The following ANXA11 variants were observed in gnomAD, a reference collection of about 807,000 sequenced individuals.
ANXA11 encodes the protein 56 kDa autoantigen.
ANXA11 carries 57 observed loss-of-function variants against 64.7 expected under a neutral mutation model. That is an observed-to-expected ratio of 0.88 (90% confidence interval 0.71 to 1.10). The LOEUF is 1.10. ANXA11 is among the 50% of genes least tolerant of loss of function. ANXA11 has a pLI of 0.00. For missense variants in ANXA11, 675 were observed against 670.7 expected (o/e 1.01, Z -0.07); for synonymous variants, 260 against 265.2 (o/e 0.98, Z 0.19).
At chr10:80,166,297 G>A in intron 7 of ANXA11, 100 bp from the exon 8 acceptor site, 1 of 688,570 alleles carries the variant, frequency 1.5e-6, no homozygotes, top group Non-Finnish European at 2.5e-6. Flanking sequence ...CAGATTTGAG[G>A]AACAGCAGCA....
At chr10:80,173,737 T>C (rs1485534933) in intron 2 of ANXA11, among the ~76,000 whole-genome samples, 1 of 152,240 alleles carries the variant, frequency 6.6e-6, no homozygotes, top group Admixed American at 6.5e-5. Flanking sequence ...AGACACCCAA[T>C]GGCAGGCGGA....
At chr10:80,181,634 AG>A (rs1262742625) in intron 1 of ANXA11, among the ~76,000 whole-genome samples, 1 of 152,230 alleles carries the variant, frequency 6.6e-6, no homozygotes, top group Non-Finnish European at 1.5e-5. Context: ...AATAGGCAAA[AG>A]ACCTGAACAG....
At chr10:80,164,183 C>T in intron 8 of ANXA11, 40 bp from the exon 9 acceptor site, 1 of 1,541,192 alleles carries the variant, frequency 6.5e-7, no homozygotes, top group South Asian at 1.1e-5. Flanking sequence ...GTGCTTGTTC[C>T]AGCAGCCTCA....
intron 2 of ANXA11, chr10:80,173,100 G>A: frequency 2.0e-6 from 1 of 508,616 alleles, no homozygotes; most frequent in Non-Finnish European, 3.5e-6. Context: ...CACACCCCCG[G>A]CCCCACCCAC....
chr10:80,184,021 C>T (rs1207440330), intron 1 of ANXA11, among the ~76,000 whole-genome samples: 33 of 152,114 alleles, frequency 2.2e-4, no homozygotes, highest in Admixed American at 2.2e-3. Flanking sequence ...TAATGGTCGA[C>T]TTTTTTCACA....
intron 12 of ANXA11, among the ~76,000 whole-genome samples, chr10:80,161,512 A>G (rs1845501494): frequency 6.6e-6 from 1 of 151,926 alleles, no homozygotes; most frequent in Non-Finnish European, 1.5e-5. Flanking sequence ...CCTGCCCCCC[A>G]CCGTGGCCCC....
rs146239848 is a variant in ANXA11 at position 80,165,018 on chromosome 10, C to T, written c.859-875G>A. 2.0e-5 allele frequency among the ~76,000 whole-genome samples: 3 copies of T among 152,340 alleles called. No individual in the cohort carries two copies. In the East Asian group the frequency reaches 5.8e-4, roughly 29 times the overall value. ...TCAAGGACACACAGCTGGTGAGTGA[C>T]AGCTGCCCCAAACCTGTGTGGTTTC... is the stretch of plus-strand genomic sequence containing the variant. On this transcript the variant is annotated intron_variant, in intron 8 of 15. Transcript: ENST00000422982.
chr10:80,195,418 T>C (rs1846942663), intron 1 of ANXA11, among the ~76,000 whole-genome samples: 1 of 152,174 alleles, frequency 6.6e-6, no homozygotes, highest in African/African-American at 2.4e-5. Flanking sequence ...CTAAGCTGTG[T>C]CAAGCAGTCT....
chr10:80,185,826 T>C (rs992898003), intron 1 of ANXA11, among the ~76,000 whole-genome samples: 13 of 152,192 alleles, frequency 8.5e-5, no homozygotes, highest in Admixed American at 1.3e-4. Flanking sequence ...TACACTATAC[T>C]TCCTCACAGA....
At position 80,166,919 on chromosome 10, in the gene ANXA11, G is replaced by A. The variant is rs752485952; in HGVS notation, c.715C>T (p.Leu239=). The A allele has an allele frequency of 2.5e-6, 4 of 1,609,088 alleles. No individual in the cohort carries two copies. In the East Asian group the frequency reaches 6.7e-5, roughly 27 times the overall value. Residue 239 remains leucine, a synonymous_variant, in exon 7 of 16, where the codon CTA becomes TTA. Coordinates refer to ENST00000422982, the MANE Select transcript of ANXA11 (RefSeq NM_145868.2). The part of the protein sequence containing the change: ...SRSNKQRQQI[L]LSFKTAYGKD... ...CCGTAAGCCGTCTTGAAGGAAAGTA[G>A]GATCTGCTGCCGCTGCTTGTTGGAG...
At chr10:80,172,689 T>C (rs919678483) in intron 3 of ANXA11, 118 bp downstream of exon 3, 1 of 1,054,468 alleles carries the variant, frequency 9.5e-7, no homozygotes, top group Non-Finnish European at 1.5e-6. Flanking sequence ...TCTCCTCCCC[T>C]GCTGGGCCGT....
Position 80,155,594 on chromosome 10 carries a change from G to C in ANXA11, c.*259C>G. ...CACAGGCAAAGGGGAATGATTGCAT[G>C]AGTCAGAAAAATGAAACATCTATTT... is the stretch of plus-strand genomic sequence containing the variant. On this transcript the variant is annotated 3_prime_UTR_variant, in exon 16 of 16. Transcript: ENST00000422982. The C allele has an allele frequency of 6.1e-6, 3 of 494,456 alleles. No individual in the cohort carries two copies. Among genetic ancestry groups the C allele is most frequent in the Non-Finnish European group, 1.1e-5 (3 of 280,008 alleles). The allele number at this position is 494,456 out of a possible 1,614,324, so 30.6% of individuals were successfully genotyped here. A position where few individuals can be genotyped will look rare whatever the true frequency, so the allele number is the denominator to read the frequency against.
At chr10:80,183,580 G>T (rs1393578998) in intron 1 of ANXA11, among the ~76,000 whole-genome samples, 4 of 152,232 alleles carry the variant, frequency 2.6e-5, no homozygotes, top group Non-Finnish European at 2.9e-5. Flanking sequence ...CCATGGTAGA[G>T]CTTGGCCTGC....
Position 80,151,351 on chromosome 10 carries a change from G to C in ANXA11, c.*4502C>G, listed in dbSNP as rs1339323551. On this transcript the variant is annotated 3_prime_UTR_variant, in exon 16 of 16. Transcript: ENST00000422982. Reference sequence around the variant, plus strand: ...CTTGACTGACTCCTTTACTGACAGGGGACCCTACATGAGTCCAGGTTGTGG... The same window carrying C: ...CTTGACTGACTCCTTTACTGACAGGCGACCCTACATGAGTCCAGGTTGTGG... 4 of 152,196 alleles carry C rather than the reference G, an allele frequency of 2.6e-5. No homozygotes were observed. Among genetic ancestry groups the C allele is most frequent in the Non-Finnish European group, 4.4e-5 (3 of 68,050 alleles). 9.4% of individuals were successfully genotyped at this position (152,196 alleles called of 1,614,324 possible).
At chr10:80,166,005 TGTGTC>T in intron 8 of ANXA11, 74 bp downstream of exon 8, 1 of 829,160 alleles carries the variant, frequency 1.2e-6, no homozygotes, top group Non-Finnish European at 1.9e-6. Flanking sequence ...TTCTGGGCTG[TGTGTC>T]CACACGCATG....
In ANXA11 at chr10:80,155,819, G is replaced by A. The variant is rs540903210; in HGVS notation, c.*34C>T. The A allele has an allele frequency of 3.7e-5, 59 of 1,604,488 alleles. No homozygotes were observed. The highest frequency in any genetic ancestry group is 1.3e-4 in the Admixed American group (8 of 59,782). ...GCCTTTTCCTGGCACTGGTGTTGCC[G>A]GCAGGTGGGCAGAAGTGAGCCACCA... On this transcript the variant is annotated 3_prime_UTR_variant, in exon 16 of 16. Coordinates refer to ENST00000422982, the MANE Select transcript of ANXA11 (RefSeq NM_145868.2).
chr10:80,173,818 A>C (rs1448759821), intron 2 of ANXA11, among the ~76,000 whole-genome samples: 1 of 152,158 alleles, frequency 6.6e-6, no homozygotes, highest in Non-Finnish European at 1.5e-5. Flanking sequence ...TTCTTTTTAC[A>C]CACTGGGTTT....
At chr10:80,205,568 A>C (rs1336422570), upstream of ANXA11, 1 of 151,928 alleles carries the variant, frequency 6.6e-6, no homozygotes, top group Non-Finnish European at 1.5e-5. Flanking sequence ...TGCCAGAGGC[A>C]GTGCAAGGGA....
chr10:80,194,981 T>C (rs1846925369), intron 1 of ANXA11, among the ~76,000 whole-genome samples: 1 of 152,164 alleles, frequency 6.6e-6, no homozygotes, highest in Admixed American at 6.5e-5. Context: ...AGTTGGTGTG[T>C]TATGAGCCAT....
Sources: allele counts gnomAD v4.1 joint callset (sites outside exome capture counted in the v4.1 genomes callset), GRCh38; gene constraint gnomAD v4.1.1; transcripts MANE v1.5; gene names NCBI Gene and HGNC (gene_info 2026-07-23, HGNC 2026-07-21).